ATAD3B: variants seen among roughly 807,000 people sequenced by gnomAD.
ATAD3B encodes the protein ATPase family AAA domain containing 3B.
In ATAD3B, 59 loss-of-function variants were observed where a neutral mutation model predicts 70.2. The observed-to-expected ratio is 0.84, with a 90% CI of 0.68 to 1.04. ATAD3B has a LOEUF of 1.04. Among genes scored for constraint, ATAD3B ranks in the 50% least tolerant of loss-of-function variants. The probability of loss-of-function intolerance (pLI) is 0.00; values close to 1 mark genes in which losing one functional copy is unlikely to be tolerated. For missense variants in ATAD3B, 961 were observed against 913.4 expected (o/e 1.05, Z -0.67); for synonymous variants, 423 against 388.6 (o/e 1.09, Z -1.04).
chr1:1,488,806 G>T (rs554191189), intron 12 of ATAD3B, among the ~76,000 whole-genome samples: 2 of 151,842 alleles, frequency 1.3e-5, no homozygotes, highest in African/African-American at 2.4e-5. Context: ...TGAAGTGCTA[G>T]GATTAAAGAT....
At chr1:1,502,183 T>G (rs1640959366), downstream of ATAD3B, among the ~76,000 whole-genome samples, 1 of 150,866 alleles carries the variant, frequency 6.6e-6, no homozygotes, top group Non-Finnish European at 1.5e-5. Flanking sequence ...GCCTCTAGTA[T>G]AGGTTTTAAA....
chr1:1,497,179 T>G lies in ATAD3B; in HGVS notation c.*1362T>G, dbSNP rs1312358133. On this transcript the variant is annotated 3_prime_UTR_variant, in exon 16 of 16. Coordinates refer to ENST00000673477, the MANE Select transcript of ATAD3B (RefSeq NM_031921.6). ...GTCTACCTCTGCTCGCTCTCTCCAT[T>G]TCTCTCTCTACCTCTGCTCGCTCTC... 6.6e-6 allele frequency: 1 copy of G among 151,048 alleles called. No homozygotes were observed. Among genetic ancestry groups the G allele is most frequent in the African/African-American group, 2.5e-5 (1 of 40,252 alleles). 9.4% of individuals were successfully genotyped at this position (151,048 alleles called of 1,614,324 possible). A position where few individuals can be genotyped will look rare whatever the true frequency, so the allele number is the denominator to read the frequency against.
At chr1:1,485,582 A>G (rs185395914) in intron 8 of ATAD3B, among the ~76,000 whole-genome samples, 200 bp from the exon 9 acceptor site, 3 of 152,150 alleles carry the variant, frequency 2.0e-5, no homozygotes, top group African/African-American at 7.2e-5. Flanking sequence ...AATAAAAGCC[A>G]ATAAGGAACC....
Position 1,480,995 on chromosome 1 carries a change from C to T in ATAD3B, c.514+59C>T, listed in dbSNP as rs1331962169. On this transcript the variant is annotated intron_variant, in intron 5 of 15. Coordinates refer to ENST00000673477, the MANE Select transcript of ATAD3B (RefSeq NM_031921.6). ...TGGCGGGGGCTGCTTGTGGATCCGGCGTGCACTCTGAGCCTGAGTTCTGCC... is the reference window on the plus strand; with the variant it reads ...TGGCGGGGGCTGCTTGTGGATCCGGTGTGCACTCTGAGCCTGAGTTCTGCC... 5.2e-5 allele frequency: 82 copies of T among 1,574,180 alleles called. 8 individuals carry two copies. The highest frequency in any genetic ancestry group is 6.3e-5 in the Non-Finnish European group (74 of 1,167,602).
At chr1:1,487,271 G>C (rs1308850145) in intron 11 of ATAD3B, among the ~76,000 whole-genome samples, 1 of 151,834 alleles carries the variant, frequency 6.6e-6, no homozygotes, top group Admixed American at 6.6e-5. Context: ...AGGCAGATAC[G>C]AGGCCAGGAG....
chr1:1,509,377 G>A, the ATAD3B span: 1 of 1,604,874 alleles, frequency 6.2e-7, no homozygotes, highest in Non-Finnish European at 8.5e-7. Flanking sequence ...ACACCTCACG[G>A]AGCCTGGCCG....
At chr1:1,481,145 A>C (rs1639891018) in intron 5 of ATAD3B, among the ~76,000 whole-genome samples, 1 of 132,486 alleles carries the variant, frequency 7.5e-6, no homozygotes, top group Admixed American at 7.7e-5. Flanking sequence ...GGAGGGCAGG[A>C]GCTGCTTCAC....
At chr1:1,494,457 G>A (rs987864712) in intron 15 of ATAD3B, among the ~76,000 whole-genome samples, 5 of 150,662 alleles carry the variant, frequency 3.3e-5, no homozygotes, top group African/African-American at 9.8e-5. Context: ...TGTCTCCTGC[G>A]CTCCCGGGCC....
chr1:1,500,604 A>AATAT (rs374188904), downstream of ATAD3B, among the ~76,000 whole-genome samples: 39 of 148,844 alleles, frequency 2.6e-4, no homozygotes, highest in African/African-American at 8.3e-4. Context: ...CATTCAGTCT[A>AATAT]ATATATATAT....
At chr1:1,498,076 G>A (rs569284130), downstream of ATAD3B, among the ~76,000 whole-genome samples, 33 of 151,972 alleles carry the variant, frequency 2.2e-4, no homozygotes, top group African/African-American at 8.0e-4. Context: ...GCTGAGGCGG[G>A]TGGATCACCT....
At chr1:1,482,894 G>A (rs554895217) in intron 7 of ATAD3B, among the ~76,000 whole-genome samples, 8 of 151,848 alleles carry the variant, frequency 5.3e-5, no homozygotes, top group East Asian at 3.9e-4. Context: ...CCTGCTACTC[G>A]AGAGGCTGAG....
chr1:1,500,032 G>A (rs1640910865), downstream of ATAD3B, among the ~76,000 whole-genome samples: 1 of 151,386 alleles, frequency 6.6e-6, no homozygotes, highest in African/African-American at 2.4e-5. Context: ...CAAGTAGCTG[G>A]GACTATAGGC....
downstream of ATAD3B, among the ~76,000 whole-genome samples, chr1:1,502,314 A>C (rs1423288778): frequency 6.6e-6 from 1 of 150,396 alleles, no homozygotes; most frequent in Non-Finnish European, 1.5e-5. Flanking sequence ...TCCCGGGTTC[A>C]CGCCATTCTC....
At chr1:1,476,749 C>T (rs1639610871) in intron 1 of ATAD3B, among the ~76,000 whole-genome samples, 1 of 151,862 alleles carries the variant, frequency 6.6e-6, no homozygotes, top group Admixed American at 6.6e-5. Flanking sequence ...ACCTCATGAT[C>T]CACCCGCCTC....
At chr1:1,503,235 A>C in the ATAD3B span, 1 of 194,730 alleles carries the variant, frequency 5.1e-6, no homozygotes, top group Non-Finnish European at 1.1e-5. Context: ...AAAAAAAAAA[A>C]AAAAGTAAAA....
At chr1:1,493,457 G>C (rs546106003) in intron 15 of ATAD3B, among the ~76,000 whole-genome samples, 1 of 151,494 alleles carries the variant, frequency 6.6e-6, no homozygotes, top group African/African-American at 2.4e-5. Flanking sequence ...TTCTTTTGGT[G>C]GGGGGACCAG....
chr1:1,501,041 A>C, downstream of ATAD3B, among the ~76,000 whole-genome samples: 1 of 152,142 alleles, frequency 6.6e-6, no homozygotes, highest in East Asian at 1.9e-4. Flanking sequence ...GCTGAGTGCA[A>C]ACAGCTCACA....
At chr1:1,498,688 C>T (rs1427126804), downstream of ATAD3B, among the ~76,000 whole-genome samples, 1 of 150,972 alleles carries the variant, frequency 6.6e-6, no homozygotes, top group Non-Finnish European at 1.5e-5. Context: ...GGTTACAGGC[C>T]TGAGGCACCG....
intron 15 of ATAD3B, among the ~76,000 whole-genome samples, chr1:1,493,968 A>G (rs1023667146): frequency 2.6e-5 from 4 of 151,914 alleles, no homozygotes; most frequent in African/African-American, 7.2e-5. Flanking sequence ...AATTTGTCCA[A>G]GAGTTTGAGG....
Sources: allele counts gnomAD v4.1 joint callset (sites outside exome capture counted in the v4.1 genomes callset), GRCh38; gene constraint gnomAD v4.1.1; transcripts MANE v1.5; gene names NCBI Gene and HGNC (gene_info 2026-07-23, HGNC 2026-07-21).